Variants in CLVS1 observed in about 807,000 individuals in gnomAD.
The protein encoded by CLVS1 is clavesin 1, also known as clavesin-1.
A neutral mutation model predicts 33.1 loss-of-function variants in CLVS1; 10 were observed. The ratio of observed to expected loss-of-function variants is 0.30; its 90% CI spans 0.19 to 0.51. The LOEUF (loss-of-function observed/expected upper bound fraction) is 0.51. Ranked by LOEUF, CLVS1 falls within the 20% of genes least tolerant of loss-of-function variation. The probability of loss-of-function intolerance (pLI) is 0.97; values close to 1 mark genes in which losing one functional copy is unlikely to be tolerated. For synonymous variants in CLVS1, 163 were observed against 166.1 expected (o/e 0.98, Z 0.14); for missense variants, 343 against 433.4 (o/e 0.79, Z 1.85).
intron 4 of CLVS1, 121 bp downstream of exon 4, chr8:61,454,372 G>A: frequency 1.3e-6 from 1 of 773,908 alleles, no homozygotes; most frequent in South Asian, 1.6e-5. Context: ...TTTCACTGTG[G>A]TTTTTCTACA....
chr8:61,123,505 A>G (rs1805915515), intron 1 of CLVS1, among the ~76,000 whole-genome samples: 1 of 152,234 alleles, frequency 6.6e-6, no homozygotes, highest in Admixed American at 6.5e-5. Context: ...TTGTTCTCCA[A>G]ATTTTCCTTT....
chr8:61,408,294 T>A (rs1815071481), intron 3 of CLVS1, among the ~76,000 whole-genome samples: 1 of 152,082 alleles, frequency 6.6e-6, no homozygotes, highest in Non-Finnish European at 1.5e-5. Flanking sequence ...CTAAATGACA[T>A]GAGGAAGGCA....
the CLVS1 span, among the ~76,000 whole-genome samples, chr8:60,995,355 A>G: frequency 6.6e-6 from 1 of 152,160 alleles, no homozygotes; most frequent in Non-Finnish European, 1.5e-5. Context: ...GGCGAAGGAC[A>G]TGAACAGACA....
At chr8:61,449,546 C>T (rs949808188) in intron 3 of CLVS1, among the ~76,000 whole-genome samples, 25 of 152,174 alleles carry the variant, frequency 1.6e-4, no homozygotes, top group Non-Finnish European at 1.0e-4. Flanking sequence ...TAGGAAGGGA[C>T]CACAGTTTTT....
chr8:61,477,226 G>A (rs1277392537), intron 5 of CLVS1, among the ~76,000 whole-genome samples: 2 of 152,146 alleles, frequency 1.3e-5, no homozygotes, highest in African/African-American at 4.8e-5. Context: ...CTTTTGCAAC[G>A]ATGTTCATCA....
At chr8:61,193,805 G>C (rs868657510) in intron 2 of CLVS1, among the ~76,000 whole-genome samples, 12 of 152,028 alleles carry the variant, frequency 7.9e-5, no homozygotes, top group African/African-American at 2.7e-4. Flanking sequence ...AATGCAAAAA[G>C]AAAGGAAAGG....
At chr8:61,071,666 A>T (rs930607610) in intron 1 of CLVS1, among the ~76,000 whole-genome samples, 4 of 152,192 alleles carry the variant, frequency 2.6e-5, no homozygotes, top group Non-Finnish European at 4.4e-5. Flanking sequence ...ATTCTTTAGC[A>T]TACCATGGTA....
intron 3 of CLVS1, among the ~76,000 whole-genome samples, chr8:61,409,606 G>A (rs749489720): frequency 6.6e-6 from 1 of 152,198 alleles, no homozygotes; most frequent in Non-Finnish European, 1.5e-5. Flanking sequence ...CAATGCAGCA[G>A]TGAATGTTTG....
chr8:61,030,502 ACT>A, the CLVS1 span, among the ~76,000 whole-genome samples: 4,645 of 152,078 alleles, frequency 0.031, 98 homozygotes, highest in Middle Eastern at 0.051. Flanking sequence ...TATTCTACAC[ACT>A]CTGTGTTCAG....
intron 5 of CLVS1, among the ~76,000 whole-genome samples, chr8:61,488,122 G>T (rs1803946029): frequency 6.6e-6 from 1 of 152,200 alleles, no homozygotes; most frequent in Admixed American, 6.5e-5. Flanking sequence ...TAGTAAAAAA[G>T]CTTCCAGAAA....
chr8:60,998,192 G>T, the CLVS1 span, among the ~76,000 whole-genome samples: 8 of 152,152 alleles, frequency 5.3e-5, no homozygotes, highest in Non-Finnish European at 1.0e-4. Context: ...TGCTGGGGCT[G>T]GTAGTTGGCA....
chr8:61,221,902 T>C (rs1808226528), intron 2 of CLVS1, among the ~76,000 whole-genome samples: 1 of 152,188 alleles, frequency 6.6e-6, no homozygotes, highest in South Asian at 2.1e-4. Flanking sequence ...TTCCTCCCAA[T>C]TTAGTCTTGG....
intron 3 of CLVS1, among the ~76,000 whole-genome samples, chr8:61,451,008 A>AG (rs1417466602): frequency 6.6e-6 from 1 of 152,182 alleles, no homozygotes; most frequent in Non-Finnish European, 1.5e-5. Context: ...GGCTATGTCA[A>AG]GCAGCACTGC....
At chr8:61,266,836 A>G (rs938812842) in intron 2 of CLVS1, among the ~76,000 whole-genome samples, 1 of 152,202 alleles carries the variant, frequency 6.6e-6, no homozygotes, top group East Asian at 1.9e-4. Context: ...ATAGATAGCT[A>G]ATGGATATTT....
chr8:61,342,153 T>C (rs1160453671), intron 2 of CLVS1, among the ~76,000 whole-genome samples: 1 of 152,116 alleles, frequency 6.6e-6, no homozygotes, highest in East Asian at 1.9e-4. Flanking sequence ...AGTGTCCTAG[T>C]GGGGATCTGC....
intron 4 of CLVS1, among the ~76,000 whole-genome samples, chr8:61,455,652 T>A (rs1191749365): frequency 6.6e-6 from 1 of 152,226 alleles, no homozygotes; most frequent in Non-Finnish European, 1.5e-5. Context: ...TACAGTCTTA[T>A]CTTTGAGACT....
intron 2 of CLVS1, among the ~76,000 whole-genome samples, chr8:61,308,280 A>C (rs1422149824): frequency 6.6e-6 from 1 of 152,192 alleles, no homozygotes; most frequent in East Asian, 1.9e-4. Context: ...TCTAGTCAAG[A>C]AGCAATATGA....
intron 2 of CLVS1, among the ~76,000 whole-genome samples, chr8:61,184,251 C>T (rs1207941991): frequency 1.3e-5 from 2 of 152,212 alleles, no homozygotes; most frequent in South Asian, 2.1e-4. Flanking sequence ...GACACCCAAC[C>T]GAGGCATTGG....
intron 2 of CLVS1, among the ~76,000 whole-genome samples, chr8:61,212,500 A>T (rs1807992053): frequency 6.6e-6 from 1 of 152,140 alleles, no homozygotes; most frequent in Non-Finnish European, 1.5e-5. Flanking sequence ...GATCCTGACG[A>T]CACAGAGGAG....
Sources: gnomAD v4.1 joint callset for allele counts (sites outside exome capture counted in the v4.1 genomes callset) on GRCh38, gnomAD v4.1.1 for gene constraint, MANE v1.5 for transcripts, NCBI Gene and HGNC (gene_info 2026-07-23, HGNC 2026-07-21) for gene names.